The following SH2D3C variants were observed in gnomAD, a reference collection of about 807,000 sequenced individuals.
SH2D3C encodes the protein SH2 domain containing 3C, also known as SH2 domain-containing protein 3C.
In SH2D3C, 25 loss-of-function variants were observed where a neutral mutation model predicts 75.2. The ratio of observed to expected loss-of-function variants is 0.33; its 90% CI spans 0.24 to 0.46. SH2D3C has a LOEUF of 0.46. Among genes scored for constraint, SH2D3C ranks in the 20% least tolerant of loss-of-function variants. SH2D3C has a pLI of 1.00. For synonymous variants in SH2D3C, 450 were observed against 473.7 expected, an observed-to-expected ratio of 0.95 and a Z score of 0.65; for missense variants, 933 against 1,165.3, an observed-to-expected ratio of 0.80 and a Z score of 2.90.
chr9:127,776,903 G>A (rs965031779), intron 1 of SH2D3C, among the ~76,000 whole-genome samples: 7 of 152,216 alleles, frequency 4.6e-5, no homozygotes, highest in Non-Finnish European at 8.8e-5. Context: ...TGCTGCATGC[G>A]GTGGGGGTGG....
In SH2D3C at chr9:127,744,726, G is replaced by A. The variant is rs756494222; in HGVS notation, c.1638C>T (p.Ile546=). The change falls in exon 7 of 12, where the codon ATC becomes ATT. Residue 546 remains isoleucine, a synonymous_variant. Coordinates refer to ENST00000314830, the MANE Select transcript of SH2D3C (RefSeq NM_170600.3). ...GGTTGAAGGAAGAAGTGACTTCCAC[G>A]ATGGGGACTGTGAAGGTCTTGCCCC... ...GDWGKTFTVP[I]VEVTSSFNPA... The A allele has an allele frequency of 7.8e-5, 126 of 1,614,098 alleles. No homozygotes were observed. Among genetic ancestry groups the A allele is most frequent in the East Asian group, 1.6e-4 (7 of 44,902 alleles).
intron 3 of SH2D3C, among the ~76,000 whole-genome samples, chr9:127,757,590 A>T (rs1375525897): frequency 1.4e-5 from 2 of 148,048 alleles, no homozygotes; most frequent in Non-Finnish European, 3.0e-5. Context: ...ACAGGCATGC[A>T]CCACCATACC....
chr9:127,755,191 G>A (rs987651467), intron 3 of SH2D3C: 352 of 1,206,976 alleles, frequency 2.9e-4, no homozygotes, highest in Non-Finnish European at 3.5e-4. Flanking sequence ...CCGGGACGGT[G>A]TGGGGGGGCG....
intron 3 of SH2D3C, chr9:127,755,097 G>A (rs1845335227): frequency 4.9e-6 from 6 of 1,214,968 alleles, no homozygotes; most frequent in African/African-American, 1.6e-5. Context: ...GCACGAAGGA[G>A]CCGCGGTAGA....
intron 3 of SH2D3C, among the ~76,000 whole-genome samples, chr9:127,758,376 T>TAAA (rs112967033): frequency 4.4e-4 from 64 of 145,996 alleles, no homozygotes; most frequent in Middle Eastern, 3.5e-3. Context: ...TTTACAATGT[T>TAAA]AAAAAAAAAA....
chr9:127,750,167 A>G (rs1318775721), intron 4 of SH2D3C, among the ~76,000 whole-genome samples: 1 of 150,112 alleles, frequency 6.7e-6, no homozygotes, highest in African/African-American at 2.5e-5. Flanking sequence ...TGTTATTATT[A>G]TTATTATTAT....
At chr9:127,760,833 C>T (rs1845508488) in intron 3 of SH2D3C, among the ~76,000 whole-genome samples, 1 of 152,030 alleles carries the variant, frequency 6.6e-6, no homozygotes, top group Non-Finnish European at 1.5e-5. Context: ...ATTATTATTA[C>T]TATCATTGTT....
intron 2 of SH2D3C, among the ~76,000 whole-genome samples, chr9:127,773,235 C>T (rs1250034419): frequency 1.3e-5 from 2 of 152,178 alleles, no homozygotes; most frequent in Admixed American, 1.3e-4. Flanking sequence ...ACTCAACTCA[C>T]CCTATAACCA....
chr9:127,767,298 G>C, intron 2 of SH2D3C: 1 of 1,439,784 alleles, frequency 6.9e-7, no homozygotes, highest in Non-Finnish European at 9.1e-7. Context: ...AAAAGAAAAG[G>C]CATCTACTGA....
At chr9:127,759,575 ATGGTCACTCGT>A (rs1845476119) in intron 3 of SH2D3C, among the ~76,000 whole-genome samples, 1 of 152,182 alleles carries the variant, frequency 6.6e-6, no homozygotes, top group African/African-American at 2.4e-5. Flanking sequence ...TTTGCTGGGC[ATGGTCACTCGT>A]GCTTGTATTC....
Position 127,738,519 on chromosome 9 carries a change from G to A in SH2D3C, c.*227C>T. 1 of 396,456 alleles carries A rather than the reference G, an allele frequency of 2.5e-6. No individual in the cohort carries two copies. Among genetic ancestry groups the A allele is most frequent in the Non-Finnish European group, 4.5e-6 (1 of 223,890 alleles). The allele number at this position is 396,456 out of a possible 1,614,324, so 24.6% of individuals were successfully genotyped here. On this transcript the variant is annotated 3_prime_UTR_variant, in exon 12 of 12. Transcript: ENST00000314830. This position sits in a 1 kb window ranked among gnomAD's most constrained non-coding sequence, Gnocchi z 5.0. Reference sequence around the variant, plus strand: ...GGAAGGGGAGCAGCAAAAGCTGGTGGGGGAACCGGCGTTCCTGTTCTTCCT... The same window carrying A: ...GGAAGGGGAGCAGCAAAAGCTGGTGAGGGAACCGGCGTTCCTGTTCTTCCT...
intron 2 of SH2D3C, among the ~76,000 whole-genome samples, chr9:127,767,876 G>A (rs73608018): frequency 0.054 from 8,239 of 152,302 alleles, 488 homozygotes; most frequent in African/African-American, 0.15. Context: ...GGGCCTCTGA[G>A]CTACTGCTGT....
chr9:127,761,501 G>A, intron 3 of SH2D3C, 110 bp downstream of exon 3: 2 of 701,750 alleles, frequency 2.9e-6, no homozygotes, highest in Non-Finnish European at 4.9e-6. Flanking sequence ...GGAATACACA[G>A]TGAGGTCTGG....
At chr9:127,752,062 A>T (rs1845217940) in intron 3 of SH2D3C, among the ~76,000 whole-genome samples, 1 of 152,158 alleles carries the variant, frequency 6.6e-6, no homozygotes. Flanking sequence ...AAGGCCACTG[A>T]GGGAGATAAT....
At chr9:127,755,171 G>A (rs922354739) in intron 3 of SH2D3C, 1 of 1,215,396 alleles carries the variant, frequency 8.2e-7, no homozygotes. Context: ...GTGGGGCCAG[G>A]CTGCCGGGGC....
Position 127,751,046 on chromosome 9 carries a change from T to A in SH2D3C, c.684+126A>T. On this transcript the variant is annotated intron_variant, in intron 4 of 11. Coordinates refer to ENST00000314830, the MANE Select transcript of SH2D3C (RefSeq NM_170600.3). The surrounding 1 kb of genome is among the most constrained non-coding windows in gnomAD (Gnocchi z 4.1). ...AGGGCAGAGCTAGACCTCATCCCAG[T>A]CCATTCTGATTGAATCCACCAAGCA... 1 of 872,316 alleles carries A rather than the reference T, an allele frequency of 1.1e-6. No homozygotes were observed. Among genetic ancestry groups the A allele is most frequent in the Non-Finnish European group, 1.8e-6 (1 of 551,504 alleles). The allele number at this position is 872,316 out of a possible 1,614,324, so 54.0% of individuals were successfully genotyped here.
At chr9:127,770,973 T>C (rs1401543603) in intron 2 of SH2D3C, among the ~76,000 whole-genome samples, 1 of 152,152 alleles carries the variant, frequency 6.6e-6, no homozygotes, top group Non-Finnish European at 1.5e-5. Flanking sequence ...ATGGGGGTGA[T>C]AGTAGTACCT....
chr9:127,747,429 A>T (rs1244213950), intron 5 of SH2D3C, among the ~76,000 whole-genome samples, 158 bp from the exon 6 acceptor site: 1 of 152,182 alleles, frequency 6.6e-6, no homozygotes, highest in Admixed American at 6.5e-5. Flanking sequence ...AAAAAACTGA[A>T]GCCCAGATGA....
chr9:127,742,223 T>TTTTG lies in SH2D3C; in HGVS notation c.1917-268_1917-265dup, dbSNP rs113162363. 9.2e-3 allele frequency among the ~76,000 whole-genome samples: 1,405 copies of TTTTG among 152,098 alleles called. 7 individuals are homozygous for TTTTG. Among genetic ancestry groups the TTTTG allele is most frequent in the African/African-American group, 0.019 (782 of 41,484 alleles). ...CACGCAGAGTAGTTTTTTGTTTTGTTTTTGTTTGTTTGTTTGTTTGTTTGT... is the reference window on the plus strand; with the variant it reads ...CACGCAGAGTAGTTTTTTGTTTTGTTTTTGTTTGTTTGTTTGTTTGTTTGTTTGT... On this transcript the variant is annotated intron_variant, in intron 8 of 11. Coordinates refer to ENST00000314830, the MANE Select transcript of SH2D3C (RefSeq NM_170600.3).
Sources: gnomAD v4.1 joint callset for allele counts (sites outside exome capture counted in the v4.1 genomes callset) on GRCh38, gnomAD v4.1.1 for gene constraint, Gnocchi (gnomAD v3.1) non-coding constraint, MANE v1.5 for transcripts, NCBI Gene and HGNC (gene_info 2026-07-23, HGNC 2026-07-21) for gene names.